The following VSTM4 variants were observed in gnomAD, a reference collection of about 807,000 sequenced individuals.
VSTM4 encodes V-set and transmembrane domain containing 4, also known as V-set and transmembrane domain-containing protein 4.
VSTM4 carries 20 observed loss-of-function variants against 36.4 expected under a neutral mutation model. That is an observed-to-expected ratio of 0.55 (90% CI 0.39 to 0.80). The LOEUF (loss-of-function observed/expected upper bound fraction) is 0.80. VSTM4 is among the 30% of genes least tolerant of loss of function. The pLI, the probability that VSTM4 is intolerant of heterozygous loss-of-function variation, is 0.00. For synonymous variants in VSTM4, 182 were observed against 173.9 expected, an observed-to-expected ratio of 1.05 and a Z score of -0.37; for missense variants, 392 against 404.5, an observed-to-expected ratio of 0.97 and a Z score of 0.26.
intron 4 of VSTM4, among the ~76,000 whole-genome samples, chr10:49,077,001 C>T (rs61848380): frequency 0.18 from 26,737 of 152,166 alleles, 2,682 homozygotes; most frequent in Non-Finnish European, 0.23. Flanking sequence ...CCTCAGAAAC[C>T]GAGAAAGGGG....
chr10:49,018,820 T>C lies in VSTM4; in HGVS notation c.*830A>G, dbSNP rs890105117. ...GCAGCAGACACCTTCAGGGGCTGAA[T>C]CAGAGGTGACTGAGCTTGGCACACA... On this transcript the variant is annotated 3_prime_UTR_variant, in exon 8 of 8. Coordinates refer to ENST00000332853, the MANE Select transcript of VSTM4 (RefSeq NM_001031746.5). 6.6e-6 allele frequency: 1 copy of C among 152,204 alleles called. No individual in the cohort carries two copies. The highest frequency in any genetic ancestry group is 1.5e-5 in the Non-Finnish European group (1 of 68,026). 9.4% of individuals were successfully genotyped at this position (152,204 alleles called of 1,614,324 possible).
intron 2 of VSTM4, among the ~76,000 whole-genome samples, chr10:49,089,636 A>G (rs1385174265): frequency 6.6e-6 from 1 of 152,218 alleles, no homozygotes; most frequent in Non-Finnish European, 1.5e-5. Flanking sequence ...CCCGCAGTGC[A>G]GATATTTCAC....
At chr10:49,055,713 T>C (rs1843768184) in intron 5 of VSTM4, among the ~76,000 whole-genome samples, 2 of 152,318 alleles carry the variant, frequency 1.3e-5, no homozygotes, top group South Asian at 4.1e-4. Context: ...TGCTTAAAAG[T>C]TGCAGAACTT....
intron 2 of VSTM4, chr10:49,103,135 G>T (rs1844698787): frequency 6.6e-6 from 1 of 152,220 alleles, no homozygotes; most frequent in Non-Finnish European, 1.5e-5. Context: ...AGGATTTTAT[G>T]CTAAGGTCAG....
chr10:49,077,558 A>C (rs2131992031), intron 3 of VSTM4, among the ~76,000 whole-genome samples: 1 of 152,242 alleles, frequency 6.6e-6, no homozygotes, highest in East Asian at 1.9e-4. Flanking sequence ...AAAGTAATTC[A>C]ACGGCGGAAG....
chr10:49,029,974 T>C (rs1590069907), intron 7 of VSTM4, among the ~76,000 whole-genome samples: 1 of 152,146 alleles, frequency 6.6e-6, no homozygotes, highest in Admixed American at 6.5e-5. Context: ...CCCGCACCCC[T>C]CTCTACAGCC....
Position 49,019,671 on chromosome 10 carries a change from G to C in VSTM4, c.942C>G (p.Leu314=). The C allele has an allele frequency of 6.2e-7, 1 of 1,612,720 alleles. No individual in the cohort carries two copies. The highest frequency in any genetic ancestry group is 8.5e-7 in the Non-Finnish European group (1 of 1,179,340). ...TGTACTACAGCTTGTTCTCCTCGAA[G>C]AGGATCTGGGCGTAGACAGTGCTGG... The part of the protein sequence containing the change: ...APTSTVYAQI[L]FEENKL Residue 314 remains leucine (L), a synonymous_variant, in exon 8 of 8, where the codon CTC becomes CTG. Transcript: ENST00000332853.
chr10:49,051,211 C>A (rs1843692609), intron 5 of VSTM4, among the ~76,000 whole-genome samples: 1 of 152,150 alleles, frequency 6.6e-6, no homozygotes, highest in African/African-American at 2.4e-5. Flanking sequence ...CTATTCATCC[C>A]TCCCTCTACC....
At chr10:49,079,693 C>A (rs1266898116) in intron 3 of VSTM4, among the ~76,000 whole-genome samples, 1 of 152,044 alleles carries the variant, frequency 6.6e-6, no homozygotes, top group African/African-American at 2.4e-5. Context: ...GTGTCCAATA[C>A]CAGGAACACT....
chr10:49,069,377 C>T (rs1844032636), intron 4 of VSTM4, among the ~76,000 whole-genome samples: 1 of 152,218 alleles, frequency 6.6e-6, no homozygotes, highest in African/African-American at 2.4e-5. Context: ...AGGACTGTGG[C>T]AACCCTGGCG....
At chr10:49,044,549 A>AAAGGAAGGAAGG (rs368852454) in intron 7 of VSTM4, among the ~76,000 whole-genome samples, 2 of 150,760 alleles carry the variant, frequency 1.3e-5, no homozygotes, top group Non-Finnish European at 3.0e-5. Context: ...AGAAAGGAAG[A>AAAGGAAGGAAGG]AAGGAAGGAA....
chr10:49,076,429 A>C (rs1844179453), intron 4 of VSTM4, among the ~76,000 whole-genome samples: 1 of 152,174 alleles, frequency 6.6e-6, no homozygotes, highest in Non-Finnish European at 1.5e-5. Context: ...TAAGGGAGCC[A>C]CTGGAACCGG....
At chr10:49,065,656 G>A (rs1417655030) in intron 4 of VSTM4, among the ~76,000 whole-genome samples, 1 of 152,178 alleles carries the variant, frequency 6.6e-6, no homozygotes, top group Non-Finnish European at 1.5e-5. Context: ...CGAACAACCA[G>A]GTCCCAGGTA....
chr10:49,068,266 T>C (rs1476467700), intron 4 of VSTM4, among the ~76,000 whole-genome samples: 1 of 151,956 alleles, frequency 6.6e-6, no homozygotes. Flanking sequence ...CAAGCAGAGA[T>C]GGTACTGGGA....
intron 2 of VSTM4, among the ~76,000 whole-genome samples, chr10:49,104,861 G>A (rs560355815): frequency 7.3e-6 from 1 of 136,072 alleles, no homozygotes; most frequent in East Asian, 2.3e-4. Context: ...AGACACACAC[G>A]GAGAGAGAAA....
chr10:49,018,271 G>A lies in VSTM4; in HGVS notation c.*1379C>T, dbSNP rs934896070. 3 of 152,218 alleles carry A rather than the reference G, an allele frequency of 2.0e-5. No individual in the cohort carries two copies. Among genetic ancestry groups the A allele is most frequent in the Non-Finnish European group, 4.4e-5 (3 of 68,040 alleles). 9.4% of individuals were successfully genotyped at this position (152,218 alleles called of 1,614,324 possible). The stretch of plus-strand genomic sequence containing the variant: ...GCATGAATGTCAACACAGAGCATTT[G>A]TGTAGCAATTTACAGTTTCTAGAAC... On this transcript the variant is annotated 3_prime_UTR_variant, in exon 8 of 8. Coordinates refer to ENST00000332853, the MANE Select transcript of VSTM4 (RefSeq NM_001031746.5).
chr10:49,026,006 G>A (rs965775845), intron 7 of VSTM4, among the ~76,000 whole-genome samples: 20 of 152,226 alleles, frequency 1.3e-4, no homozygotes, highest in Non-Finnish European at 2.1e-4. Flanking sequence ...AGACTGGGCT[G>A]AGGTTTCAAG....
chr10:49,096,185 G>A (rs1049487785), intron 2 of VSTM4, among the ~76,000 whole-genome samples: 5 of 151,982 alleles, frequency 3.3e-5, no homozygotes, highest in Non-Finnish European at 7.4e-5. Flanking sequence ...GAATTATTTC[G>A]TTAATTTCTT....
chr10:49,063,652 C>T (rs1466066539), intron 5 of VSTM4, among the ~76,000 whole-genome samples: 1 of 152,196 alleles, frequency 6.6e-6, no homozygotes, highest in African/African-American at 2.4e-5. Flanking sequence ...TGCCACTGGG[C>T]CCTGCTGGTG....
Sources: gnomAD v4.1 joint callset for allele counts (sites outside exome capture counted in the v4.1 genomes callset) on GRCh38, gnomAD v4.1.1 for gene constraint, MANE v1.5 for transcripts, NCBI Gene and HGNC (gene_info 2026-07-23, HGNC 2026-07-21) for gene names.